The following SUGT1 variants were observed in gnomAD, a reference collection of about 807,000 sequenced individuals.
The protein encoded by SUGT1 is SGT1 assembly cochaperone of MIS12 kinetochore complex.
A neutral mutation model predicts 56.1 loss-of-function variants in SUGT1; 15 were observed. That is an observed-to-expected ratio of 0.27 (90% confidence interval 0.18 to 0.41). The LOEUF is 0.41. Ranked by LOEUF, SUGT1 falls within the 10% of genes least tolerant of loss-of-function variation. The pLI is 1.00. For missense variants in SUGT1, 347 were observed against 382.2 expected (o/e 0.91, Z 0.77); for synonymous variants, 123 against 128.6 (o/e 0.96, Z 0.30).
chr13:52,684,537 C>T lies in SUGT1; in HGVS notation c.901-3197C>T, dbSNP rs547905396. Among the ~76,000 whole-genome samples the T allele has an allele frequency of 1.3e-3, 195 of 151,030 alleles. 2 individuals are homozygous for T. Among genetic ancestry groups the T allele is most frequent in the African/African-American group, 4.5e-3 (186 of 41,052 alleles). On this transcript the variant is annotated intron_variant, in intron 12 of 12. Coordinates refer to ENST00000310528, the MANE Select transcript of SUGT1 (RefSeq NM_006704.5). ...ATGTACATTTGTCTATTATCTATTT[C>T]TATCTATTCACTCATTTTTGAGACA...
At chr13:52,682,979 T>C (rs1219723400) in intron 12 of SUGT1, among the ~76,000 whole-genome samples, 1 of 152,220 alleles carries the variant, frequency 6.6e-6, no homozygotes, top group African/African-American at 2.4e-5. Flanking sequence ...GTTCTAGGAG[T>C]ATTTTTGGAT....
At position 52,694,430 on chromosome 13, in the gene SUGT1, C is replaced by G. The variant is rs1963865692; in HGVS notation, c.*6595C>G. On this transcript the variant is annotated 3_prime_UTR_variant, in exon 13 of 13. Coordinates refer to ENST00000310528, the MANE Select transcript of SUGT1 (RefSeq NM_006704.5). ...AAAGTTTTTAATAATTTTACTTAAA[C>G]AGAGCTTAATTATGTAAGTATTGTC... 1 of 152,176 alleles carries G rather than the reference C, an allele frequency of 6.6e-6. No individual in the cohort carries two copies. Among genetic ancestry groups the G allele is most frequent in the Non-Finnish European group, 1.5e-5 (1 of 68,028 alleles). The allele number at this position is 152,176 out of a possible 1,614,324, so 9.4% of individuals were successfully genotyped here. A position where few individuals can be genotyped will look rare whatever the true frequency, so the allele number is the denominator to read the frequency against.
chr13:52,658,148 CAAG>C (rs1005740617), intron 3 of SUGT1: 28 of 1,409,950 alleles, frequency 2.0e-5, no homozygotes, highest in Admixed American at 2.6e-5. Flanking sequence ...GTTAATGAGA[CAAG>C]GAGGTGAATT....
At chr13:52,687,664 C>A in intron 12 of SUGT1, 70 bp from the exon 13 acceptor site, 1 of 1,277,646 alleles carries the variant, frequency 7.8e-7, no homozygotes. Context: ...ATGCTTGGAA[C>A]ATTTTAAGAA....
At chr13:52,667,576 CT>C (rs11337229) in intron 10 of SUGT1, among the ~76,000 whole-genome samples, 145,048 of 151,620 alleles carry the variant, frequency 0.96, 69,396 homozygotes, top group East Asian at 0.99. Flanking sequence ...CAACTCCTGA[CT>C]TTTTTTTTTA....
intron 12 of SUGT1, 127 bp downstream of exon 12, chr13:52,680,282 TG>T: frequency 1.3e-6 from 1 of 798,938 alleles, no homozygotes; most frequent in Non-Finnish European, 1.9e-6. Context: ...AAGGTCTGTC[TG>T]AACGTTTCTT....
rs1288683946 is a variant in SUGT1, at chr13:52,696,290, CT to C, written c.*8457del. ...AGATCTCAATTAAAATGTCAGTACT[CT>C]TGTGGAACTCCCCTCTCCATGCCCT... On this transcript the variant is annotated 3_prime_UTR_variant, in exon 13 of 13. Transcript: ENST00000310528. 6.6e-6 allele frequency: 1 copy of C among 152,186 alleles called. No homozygotes were observed. The highest frequency in any genetic ancestry group is 1.9e-4 in the East Asian group (1 of 5,196). The allele number at this position is 152,186 out of a possible 1,614,324, so 9.4% of individuals were successfully genotyped here. A position where few individuals can be genotyped will look rare whatever the true frequency, so the allele number is the denominator to read the frequency against.
chr13:52,662,565 G>A, intron 5 of SUGT1, 84 bp from the exon 6 acceptor site: 10 of 1,437,258 alleles, frequency 7.0e-6, no homozygotes, highest in Non-Finnish European at 7.8e-6. Context: ...AACACTGCCT[G>A]GGATGTAGTA....
At chr13:52,658,776 A>G (rs941475062) in intron 4 of SUGT1, among the ~76,000 whole-genome samples, 4 of 147,876 alleles carry the variant, frequency 2.7e-5, no homozygotes, top group Non-Finnish European at 6.0e-5. Flanking sequence ...GGAATTTACT[A>G]TATTTAATTG....
At chr13:52,669,891 T>G (rs1242781798) in intron 10 of SUGT1, among the ~76,000 whole-genome samples, 1 of 152,180 alleles carries the variant, frequency 6.6e-6, no homozygotes, top group Admixed American at 6.5e-5. Flanking sequence ...AAATAAAATA[T>G]CTGGGTTACT....
At chr13:52,674,620 T>C (rs183421337) in intron 10 of SUGT1, among the ~76,000 whole-genome samples, 1 of 152,304 alleles carries the variant, frequency 6.6e-6, no homozygotes, top group East Asian at 1.9e-4. Context: ...TGATAAAAGA[T>C]AAAAGAACCA....
chr13:52,662,580 T>C, intron 5 of SUGT1, 69 bp from the exon 6 acceptor site: 1 of 1,521,046 alleles, frequency 6.6e-7, no homozygotes, highest in Non-Finnish European at 9.1e-7. Flanking sequence ...GTAGTAGGTA[T>C]TCAGTAAGTA....
intron 11 of SUGT1, 84 bp from the exon 12 acceptor site, chr13:52,679,890 C>A: frequency 7.5e-7 from 1 of 1,341,608 alleles, no homozygotes; most frequent in Non-Finnish European, 1.0e-6. Context: ...TAAGATGTTC[C>A]ATATACATGG....
rs1472164099 is a variant in SUGT1 at position 52,689,364 on chromosome 13, T to C, written c.*1529T>C. Reference sequence around the variant, plus strand: ...TTCTAAAGTTTTCTTCTTAGGAAAATAGGATAGTGACTTTTGTATTCTGTA... The same window carrying C: ...TTCTAAAGTTTTCTTCTTAGGAAAACAGGATAGTGACTTTTGTATTCTGTA... On this transcript the variant is annotated 3_prime_UTR_variant, in exon 13 of 13. Transcript: ENST00000310528. 2 of 152,138 alleles carry C rather than the reference T, an allele frequency of 1.3e-5. No individual in the cohort carries two copies. Among genetic ancestry groups the C allele is most frequent in the Non-Finnish European group, 2.9e-5 (2 of 68,014 alleles). 9.4% of individuals were successfully genotyped at this position (152,138 alleles called of 1,614,324 possible).
intron 10 of SUGT1, among the ~76,000 whole-genome samples, chr13:52,673,521 A>G (rs1425938844): frequency 6.6e-6 from 1 of 152,240 alleles, no homozygotes; most frequent in East Asian, 1.9e-4. Context: ...CAGCTGAAGC[A>G]GGTTGTTACT....
chr13:52,698,181 T>G lies in SUGT1; in HGVS notation c.*10346T>G, dbSNP rs1232179970. On this transcript the variant is annotated 3_prime_UTR_variant, in exon 13 of 13. Coordinates refer to ENST00000310528, the MANE Select transcript of SUGT1 (RefSeq NM_006704.5). ...GTTTTTATGGGCCATCTGACAAGAC[T>G]AGAGGTAGCTTTGGAACCTCTTATT... is the stretch of plus-strand genomic sequence containing the variant. 1.3e-5 allele frequency: 2 copies of G among 152,202 alleles called. No homozygotes were observed. Among genetic ancestry groups the G allele is most frequent in the Non-Finnish European group, 2.9e-5 (2 of 68,036 alleles). The allele number at this position is 152,202 out of a possible 1,614,324, so 9.4% of individuals were successfully genotyped here. A position where few individuals can be genotyped will look rare whatever the true frequency, so the allele number is the denominator to read the frequency against.
At chr13:52,684,052 T>A (rs1963476720) in intron 12 of SUGT1, among the ~76,000 whole-genome samples, 1 of 151,624 alleles carries the variant, frequency 6.6e-6, no homozygotes, top group African/African-American at 2.4e-5. Context: ...AACTAATTTA[T>A]TTTAATTTAA....
At position 52,700,874 on chromosome 13, in the gene SUGT1, C is replaced by A. The variant is rs1964059893; in HGVS notation, c.*13039C>A. ...GAATTTCTATTTTGTAAAAATGTAG[C>A]TTGTATTTCAGTATAATAAAATCTG... On this transcript the variant is annotated 3_prime_UTR_variant, in exon 13 of 13. Transcript: ENST00000310528. 6.6e-6 allele frequency: 1 copy of A among 152,164 alleles called. No individual in the cohort carries two copies. Among genetic ancestry groups the A allele is most frequent in the Non-Finnish European group, 1.5e-5 (1 of 67,988 alleles). 9.4% of individuals were successfully genotyped at this position (152,164 alleles called of 1,614,324 possible). A position where few individuals can be genotyped will look rare whatever the true frequency, so the allele number is the denominator to read the frequency against.
chr13:52,657,382 T>TA, intron 2 of SUGT1, 150 bp from the exon 3 acceptor site: 1 of 716,822 alleles, frequency 1.4e-6, no homozygotes, highest in Non-Finnish European at 2.3e-6. Flanking sequence ...ATTGATCCTT[T>TA]TATAAGGAAA....
Sources: gnomAD v4.1 joint callset for allele counts (sites outside exome capture counted in the v4.1 genomes callset) on GRCh38, gnomAD v4.1.1 for gene constraint, MANE v1.5 for transcripts, NCBI Gene and HGNC (gene_info 2026-07-23, HGNC 2026-07-21) for gene names.